The following MAP3K12 variants were observed in gnomAD, a reference collection of about 807,000 sequenced individuals.
MAP3K12 encodes the protein mitogen-activated protein kinase kinase kinase 12.
Under a neutral mutation model 87.5 loss-of-function variants are expected in MAP3K12, and 14 were observed. That is an observed-to-expected ratio of 0.16 (90% CI 0.11 to 0.25). The LOEUF is 0.25. MAP3K12 is among the 10% of genes least tolerant of loss of function. The pLI is 1.00. For synonymous variants in MAP3K12, 469 were observed against 452.5 expected (o/e 1.04, Z -0.46); for missense variants, 802 against 1,140.4 (o/e 0.70, Z 4.27).
At chr12:53,497,348 T>C (rs957752638) in intron 1 of MAP3K12, among the ~76,000 whole-genome samples, 17 of 151,516 alleles carry the variant, frequency 1.1e-4, no homozygotes, top group Non-Finnish European at 2.2e-4. Context: ...CAAGTGCCAG[T>C]AGGGAGGGTA....
At chr12:53,483,554 C>T (rs201546425) in intron 9 of MAP3K12, 53 bp downstream of exon 9, 1 of 1,613,898 alleles carries the variant, frequency 6.2e-7, no homozygotes. Flanking sequence ...TCAGTAGGAC[C>T]TCTAAGGCAG....
At chr12:53,489,301 G>C (rs948212969) in intron 1 of MAP3K12, among the ~76,000 whole-genome samples, 3 of 151,884 alleles carry the variant, frequency 2.0e-5, no homozygotes, top group Non-Finnish European at 4.4e-5. Context: ...CCTGGGCGAA[G>C]TAGCCAAACC....
upstream of MAP3K12, chr12:53,501,491 G>A (rs1028055493): frequency 1.9e-6 from 3 of 1,556,596 alleles, no homozygotes; most frequent in Non-Finnish European, 2.6e-6. Context: ...TTCCTTCAGG[G>A]CGAAAAGCGT....
upstream of MAP3K12, chr12:53,501,102 C>A: frequency 2.2e-6 from 1 of 445,346 alleles, no homozygotes; most frequent in Non-Finnish European, 4.1e-6. Flanking sequence ...AGGAAGGAGG[C>A]GGGACGGTAT....
At chr12:53,481,701 G>T in intron 13 of MAP3K12, 2 of 495,874 alleles carry the variant, frequency 4.0e-6, no homozygotes, top group East Asian at 3.5e-5. Flanking sequence ...ATTCTCCAAG[G>T]TGTCAGACTC....
At position 53,482,794 on chromosome 12, in the gene MAP3K12, G is replaced by A. The variant is rs115106370; in HGVS notation, c.2009C>T (p.Pro670Leu). ...GGAGDPGSPP[P>L]ARGDTPPSEG... ...ACTTGGTGGGGTGTCACCCCGGGCC[G>A]GAGGTGGTGAGCCAGGATCCCCAGC... The change falls in exon 11 of 14, where the codon CCG becomes CTG. Residue 670 changes from proline to leucine, a missense_variant. By Grantham distance (98) the Pro-to-Leu change is moderately conservative. Around this residue, in one of 5 missense-constraint regions of MAP3K12, gnomAD observed 490 missense variants for 496.6 expected, o/e 0.99. Coordinates refer to ENST00000547488, the MANE Select transcript of MAP3K12 (RefSeq NM_001193511.2). 74 of 1,612,034 alleles carry A rather than the reference G, an allele frequency of 4.6e-5. No homozygotes were observed. The highest frequency in any genetic ancestry group is 1.1e-4 in the East Asian group (5 of 44,856).
Position 53,484,750 on chromosome 12 carries a change from G to A in MAP3K12, c.1139+306C>T, listed in dbSNP as rs532828621. On this transcript the variant is annotated intron_variant, in intron 6 of 13. Transcript: ENST00000547488. Reference sequence around the variant, plus strand: ...CTGTGTTCTAAGGTTGTTTACTTGAGGCTCAACCAACCATGCTTGGTGGTT... The same window carrying A: ...CTGTGTTCTAAGGTTGTTTACTTGAAGCTCAACCAACCATGCTTGGTGGTT... The A allele has an allele frequency of 2.4e-4, 116 of 478,128 alleles. No individual in the cohort carries two copies. The South Asian group carries it at 2.6e-3, about 11-fold the overall frequency. 29.6% of individuals were successfully genotyped at this position (478,128 alleles called of 1,614,324 possible). A position where few individuals can be genotyped will look rare whatever the true frequency, so the allele number is the denominator to read the frequency against.
At chr12:53,493,293 C>T (rs1486651132) in intron 1 of MAP3K12, among the ~76,000 whole-genome samples, 1 of 152,120 alleles carries the variant, frequency 6.6e-6, no homozygotes, top group East Asian at 1.9e-4. Flanking sequence ...CTGCGAGGAT[C>T]TTAGGTGCGG....
In MAP3K12 at chr12:53,487,001, C is replaced by T; in HGVS notation, c.391G>A (p.Val131Ile). The change falls in exon 2 of 14, where the codon GTC becomes ATC. Residue 131 changes from valine (V) to isoleucine (I), a missense_variant. Val to Ile is a conservative substitution (Grantham distance 29, BLOSUM62 3). Coordinates refer to ENST00000547488, the MANE Select transcript of MAP3K12 (RefSeq NM_001193511.2). ...TAGGCTTTGCCAATCATGGTCCAGA[C>T]AGGGCGCAGGCAGCCAAAGAGGCCC... ...LEGLFGCLRP[V>I]WTMIGKAYST... is the part of the protein sequence containing the mutation. The T allele has an allele frequency of 6.2e-7, 1 of 1,614,108 alleles. No homozygotes were observed. The highest frequency in any genetic ancestry group is 8.5e-7 in the Non-Finnish European group (1 of 1,180,004).
In MAP3K12 at chr12:53,482,984, G is replaced by C; in HGVS notation, c.1819C>G (p.Pro607Ala). 3.8e-6 allele frequency: 6 copies of C among 1,577,724 alleles called. No homozygotes were observed. Among genetic ancestry groups the C allele is most frequent in the Non-Finnish European group, 5.2e-6 (6 of 1,163,012 alleles). Residue 607 changes from proline to alanine, a missense_variant, in exon 11 of 14, where the codon CCA becomes GCA. Pro to Ala is a conservative substitution (Grantham distance 27). This residue lies in a region of MAP3K12 where 490 missense variants were observed against 496.6 expected (regional missense o/e 0.99). Transcript: ENST00000547488. ...CCTCCTAGGCCCCCTGGGCTTCCTGGTCCTCCAGGTTCATGGGGTGGCACA... is the reference window on the plus strand; with the variant it reads ...CCTCCTAGGCCCCCTGGGCTTCCTGCTCCTCCAGGTTCATGGGGTGGCACA... Reference protein sequence around the residue: ...TAVPPHEPGGPGSPGGLGGGP... With the variant: ...TAVPPHEPGGAGSPGGLGGGP...
intron 1 of MAP3K12, among the ~76,000 whole-genome samples, chr12:53,490,922 C>A (rs554264878): frequency 1.3e-5 from 2 of 151,976 alleles, no homozygotes; most frequent in East Asian, 1.9e-4. Flanking sequence ...AAAGAAAAAA[C>A]AACCACCCCC....
At chr12:53,494,275 C>T (rs1256234577) in intron 1 of MAP3K12, among the ~76,000 whole-genome samples, 1 of 152,232 alleles carries the variant, frequency 6.6e-6, no homozygotes, top group Non-Finnish European at 1.5e-5. Context: ...GTGGGTCTCT[C>T]TGTCACTCAC....
Position 53,481,027 on chromosome 12 carries a change from G to T in MAP3K12, c.*155C>A. The T allele has an allele frequency of 4.5e-6, 1 of 224,290 alleles. No individual in the cohort carries two copies. The highest frequency in any genetic ancestry group is 1.8e-4 in the South Asian group (1 of 5,594). The allele number at this position is 224,290 out of a possible 1,614,324, so 13.9% of individuals were successfully genotyped here. On this transcript the variant is annotated 3_prime_UTR_variant, in exon 14 of 14. Coordinates refer to ENST00000547488, the MANE Select transcript of MAP3K12 (RefSeq NM_001193511.2). ...CTGCCAGTGTCCCTAGAGTTTATCA[G>T]GTGAATTGGTCAGGGGATCAGTCTC...
chr12:53,483,209 A>T lies in MAP3K12; in HGVS notation c.1614-20T>A. On this transcript the variant is annotated intron_variant, in intron 10 of 13. Coordinates refer to ENST00000547488, the MANE Select transcript of MAP3K12 (RefSeq NM_001193511.2). ...TCTGGCCTGGAAGAAGAGGAAAAGT[A>T]AAAGGTTAAGACTGCCAAATCTATG... 1.3e-6 allele frequency: 2 copies of T among 1,526,184 alleles called. No individual in the cohort carries two copies. Among genetic ancestry groups the T allele is most frequent in the Non-Finnish European group, 1.8e-6 (2 of 1,139,218 alleles). The allele number at this position is 1,526,184 out of a possible 1,614,324, so 94.5% of individuals were successfully genotyped here.
At chr12:53,491,204 C>G (rs1337231639) in intron 1 of MAP3K12, among the ~76,000 whole-genome samples, 1 of 144,386 alleles carries the variant, frequency 6.9e-6, no homozygotes, top group Non-Finnish European at 1.5e-5. Context: ...AGGAGAATCA[C>G]TTGAACCCGG....
intron 13 of MAP3K12, chr12:53,481,609 A>G (rs1943049960): frequency 3.0e-6 from 1 of 330,472 alleles, no homozygotes; most frequent in East Asian, 6.0e-5. Flanking sequence ...CGGCCTCCCA[A>G]AGTTCTGGGA....
In MAP3K12 at chr12:53,481,108, C is replaced by CATAT. The variant is rs146607300; in HGVS notation, c.*70_*73dup. 1.1e-4 allele frequency: 66 copies of CATAT among 580,696 alleles called. No homozygotes were observed. The highest frequency in any genetic ancestry group is 1.2e-4 in the Non-Finnish European group (50 of 428,850). The allele number at this position is 580,696 out of a possible 1,614,324, so 36.0% of individuals were successfully genotyped here. On this transcript the variant is annotated 3_prime_UTR_variant, in exon 14 of 14. Coordinates refer to ENST00000547488, the MANE Select transcript of MAP3K12 (RefSeq NM_001193511.2). Reference sequence around the variant, plus strand: ...CCATCTTTCTGTTGATTATGTGGCGCATATATATATATATATGTATATATA... The same window carrying CATAT: ...CCATCTTTCTGTTGATTATGTGGCGCATATATATATATATATATATGTATATATA...
At chr12:53,484,540 G>A (rs1323357232) in intron 6 of MAP3K12, 175 bp from the exon 7 acceptor site, 1 of 572,024 alleles carries the variant, frequency 1.7e-6, no homozygotes. Flanking sequence ...TCATTAGTGT[G>A]TCAAAATCCT....
intron 1 of MAP3K12, 94 bp from the exon 2 acceptor site, chr12:53,487,522 G>A: frequency 7.8e-7 from 1 of 1,285,860 alleles, no homozygotes; most frequent in Non-Finnish European, 1.1e-6. Context: ...GGGGTGCTGG[G>A]TTCACAGTAG....
Sources: allele counts gnomAD v4.1 joint callset (sites outside exome capture counted in the v4.1 genomes callset), GRCh38; gene constraint gnomAD v4.1.1; regional missense constraint gnomAD v4.1.1; transcripts MANE v1.5; gene names NCBI Gene and HGNC (gene_info 2026-07-23, HGNC 2026-07-21).